Variants in TMCC1 observed in about 807,000 individuals in gnomAD.
The protein encoded by TMCC1 is transmembrane and coiled-coil domains protein 1.
TMCC1 carries 15 observed loss-of-function variants against 52.4 expected under a neutral mutation model. The observed-to-expected ratio is 0.29, with a 90% CI of 0.19 to 0.44. TMCC1 has a LOEUF of 0.44. Ranked by LOEUF, TMCC1 falls within the 20% of genes least tolerant of loss-of-function variation. The pLI is 1.00. For missense variants in TMCC1, 503 were observed against 806.0 expected (o/e 0.62, Z 4.55); for synonymous variants, 279 against 301.9 (o/e 0.92, Z 0.79).
chr3:129,680,080 C>A (rs2088836418), intron 4 of TMCC1, among the ~76,000 whole-genome samples: 1 of 152,132 alleles, frequency 6.6e-6, no homozygotes, highest in South Asian at 2.1e-4. Flanking sequence ...TTTTAAAAAG[C>A]TTAGAGTTCA....
At position 129,868,292 on chromosome 3, in the gene TMCC1, A is replaced by G. The variant is rs989888579; in HGVS notation, c.-184+12017T>C. Among the ~76,000 whole-genome samples the G allele has an allele frequency of 2.6e-5, 4 of 152,234 alleles. No individual in the cohort carries two copies. In the East Asian group the frequency reaches 5.8e-4, roughly 22 times the overall value. Reference sequence around the variant, plus strand: ...CAAATTTCATGACCCAACAGTTTGGAAAAAATGAACATTATTCCTGGCAGA... The same window carrying G: ...CAAATTTCATGACCCAACAGTTTGGGAAAAATGAACATTATTCCTGGCAGA... On this transcript the variant is annotated intron_variant, in intron 2 of 6. Coordinates refer to ENST00000393238, the MANE Select transcript of TMCC1 (RefSeq NM_001017395.5).
intron 4 of TMCC1, among the ~76,000 whole-genome samples, chr3:129,777,838 G>A (rs1442495612): frequency 1.3e-5 from 2 of 152,154 alleles, no homozygotes; most frequent in Non-Finnish European, 2.9e-5. Context: ...AACGAAAAAT[G>A]CCAGAATATT....
rs763652611 is a variant in TMCC1, at chr3:129,649,176, G to C, written c.*2305C>G. The C allele has an allele frequency of 1.3e-5, 2 of 152,188 alleles. No homozygotes were observed. The highest frequency in any genetic ancestry group is 4.8e-5 in the African/African-American group (2 of 41,436). 9.4% of individuals were successfully genotyped at this position (152,188 alleles called of 1,614,324 possible). A position where few individuals can be genotyped will look rare whatever the true frequency, so the allele number is the denominator to read the frequency against. On this transcript the variant is annotated 3_prime_UTR_variant, in exon 7 of 7. Coordinates refer to ENST00000393238, the MANE Select transcript of TMCC1 (RefSeq NM_001017395.5). ...TTCAGGCAGTTTGGGGGACTCAAAG[G>C]TTCTAGCTTAGAAAAACTGGTGGAT...
Position 129,670,800 on chromosome 3 carries a change from G to A in TMCC1, c.1041C>T (p.Val347=). The A allele has an allele frequency of 6.2e-7, 1 of 1,614,120 alleles. No homozygotes were observed. Among genetic ancestry groups the A allele is most frequent in the Non-Finnish European group, 8.5e-7 (1 of 1,180,022 alleles). ...TGFSEGVVDS[V]KGGFSSFSQA... ...GGGAGAAGCTGGAAAACCCACCTTT[G>A]ACACTATCCACCACACCTTCACTGA... Residue 347 remains valine (V), a synonymous_variant, in exon 5 of 7, where the codon GTC becomes GTT. Transcript: ENST00000393238.
chr3:129,713,757 T>A (rs2048871036), intron 4 of TMCC1, among the ~76,000 whole-genome samples: 1 of 151,614 alleles, frequency 6.6e-6, no homozygotes. Flanking sequence ...ATGGAGTTTC[T>A]AGAAATTAAA....
intron 4 of TMCC1, among the ~76,000 whole-genome samples, chr3:129,701,998 G>C (rs936015799): frequency 2.6e-5 from 4 of 151,892 alleles, no homozygotes; most frequent in African/African-American, 7.3e-5. Context: ...AAAATAAAAT[G>C]GTATAATAAA....
chr3:129,697,893 C>A (rs2047530269), intron 4 of TMCC1, among the ~76,000 whole-genome samples: 1 of 152,146 alleles, frequency 6.6e-6, no homozygotes, highest in African/African-American at 2.4e-5. Flanking sequence ...TTGGTCAAAG[C>A]CATTCAACAA....
At chr3:129,712,181 T>C (rs1351381581) in intron 4 of TMCC1, among the ~76,000 whole-genome samples, 1 of 151,850 alleles carries the variant, frequency 6.6e-6, no homozygotes, top group Non-Finnish European at 1.5e-5. Flanking sequence ...TTTCTCAAAA[T>C]AAACAAATAA....
chr3:129,776,033 G>A (rs1424597502), intron 4 of TMCC1, among the ~76,000 whole-genome samples: 1 of 152,042 alleles, frequency 6.6e-6, no homozygotes, highest in Non-Finnish European at 1.5e-5. Flanking sequence ...CCGTTGTTAG[G>A]GCCTTTGCAC....
At chr3:129,873,694 AAATAAT>A (rs1180767282) in intron 2 of TMCC1, among the ~76,000 whole-genome samples, 1 of 152,222 alleles carries the variant, frequency 6.6e-6, no homozygotes, top group Non-Finnish European at 1.5e-5. Context: ...TAAAAAATAA[AAATAAT>A]AAGTTTAAAA....
intron 4 of TMCC1, among the ~76,000 whole-genome samples, chr3:129,789,637 T>C (rs945238162): frequency 6.6e-6 from 1 of 152,132 alleles, no homozygotes; most frequent in South Asian, 2.1e-4. Flanking sequence ...CCTGCAACCA[T>C]GCCCGGCTAA....
chr3:129,787,836 C>T (rs1233678824), intron 4 of TMCC1, among the ~76,000 whole-genome samples: 1 of 152,142 alleles, frequency 6.6e-6, no homozygotes, highest in African/African-American at 2.4e-5. Flanking sequence ...AAAGTTCCAA[C>T]CCAGGAGATT....
intron 4 of TMCC1, among the ~76,000 whole-genome samples, chr3:129,673,976 A>G (rs1288095050): frequency 2.0e-5 from 3 of 152,154 alleles, no homozygotes; most frequent in African/African-American, 4.8e-5. Context: ...CTGTTTAGCT[A>G]TGTTTAGATA....
Position 129,648,043 on chromosome 3 carries a change from AC to A in TMCC1, c.*3437del, listed in dbSNP as rs1477807998. On this transcript the variant is annotated 3_prime_UTR_variant, in exon 7 of 7. Coordinates refer to ENST00000393238, the MANE Select transcript of TMCC1 (RefSeq NM_001017395.5). ...GTAGTCAATCCCTACTGAGGATATC[AC>A]CTAGCATACACGACATACAGACAGC... is the stretch of plus-strand genomic sequence containing the variant. 11 of 152,646 alleles carry A rather than the reference AC, an allele frequency of 7.2e-5. No homozygotes were observed. The highest frequency in any genetic ancestry group is 7.2e-4 in the Admixed American group (11 of 15,286). The allele number at this position is 152,646 out of a possible 1,614,324, so 9.5% of individuals were successfully genotyped here. A position where few individuals can be genotyped will look rare whatever the true frequency, so the allele number is the denominator to read the frequency against.
intron 4 of TMCC1, among the ~76,000 whole-genome samples, chr3:129,805,801 G>T (rs1165408273): frequency 6.6e-6 from 1 of 151,940 alleles, no homozygotes; most frequent in Non-Finnish European, 1.5e-5. Context: ...GCTGGGTGTG[G>T]TGGCACCCTG....
chr3:129,662,597 C>T (rs984219540), intron 5 of TMCC1, among the ~76,000 whole-genome samples: 4 of 152,120 alleles, frequency 2.6e-5, no homozygotes, highest in African/African-American at 4.8e-5. Flanking sequence ...GAGACTGTAC[C>T]ACTGCACTCC....
At chr3:129,892,140 AAC>A (rs1392874680) in intron 1 of TMCC1, among the ~76,000 whole-genome samples, 2 of 152,148 alleles carry the variant, frequency 1.3e-5, no homozygotes, top group Non-Finnish European at 2.9e-5. Context: ...TCATAATTAT[AAC>A]AGTTCTACAT....
At position 129,880,378 on chromosome 3, in the gene TMCC1, G is replaced by C. The variant is rs2061406749; in HGVS notation, c.-253C>G. 2 of 152,130 alleles carry C rather than the reference G, an allele frequency of 1.3e-5. No individual in the cohort carries two copies. Among genetic ancestry groups the C allele is most frequent in the African/African-American group, 4.8e-5 (2 of 41,440 alleles). 9.4% of individuals were successfully genotyped at this position (152,130 alleles called of 1,614,324 possible). A position where few individuals can be genotyped will look rare whatever the true frequency, so the allele number is the denominator to read the frequency against. On this transcript the variant is annotated 5_prime_UTR_variant, in exon 2 of 7. Coordinates refer to ENST00000393238, the MANE Select transcript of TMCC1 (RefSeq NM_001017395.5). ...AGGATGAACAGTTGTAATCCAAAAG[G>C]TTTCCCAAAAAGTTATTTTTTAAAA...
chr3:129,877,960 T>C (rs2061299067), intron 2 of TMCC1, among the ~76,000 whole-genome samples: 1 of 149,024 alleles, frequency 6.7e-6, no homozygotes, highest in Non-Finnish European at 1.5e-5. Flanking sequence ...TTTATTTTTA[T>C]TTTTATTTTT....
Sources: gnomAD v4.1 joint callset for allele counts (sites outside exome capture counted in the v4.1 genomes callset) on GRCh38, gnomAD v4.1.1 for gene constraint, MANE v1.5 for transcripts, NCBI Gene and HGNC (gene_info 2026-07-23, HGNC 2026-07-21) for gene names.